DOCK1: variants seen among roughly 807,000 people sequenced by gnomAD.
DOCK1 encodes the protein dedicator of cytokinesis protein 1.
A neutral mutation model predicts 262.7 loss-of-function variants in DOCK1; 138 were observed. The ratio of observed to expected loss-of-function variants is 0.53; its 90% confidence interval spans 0.46 to 0.61. The LOEUF is 0.61. Ranked by LOEUF, DOCK1 falls within the 20% of genes least tolerant of loss-of-function variation. The pLI, the probability that DOCK1 is intolerant of heterozygous loss-of-function variation, is 0.00. For missense variants in DOCK1, 1,908 were observed against 2,370.7 expected, an observed-to-expected ratio of 0.80 and a Z score of 4.05; for synonymous variants, 866 against 867.4, an observed-to-expected ratio of 1.00 and a Z score of 0.03.
At chr10:127,079,144 C>T (rs961507975) in intron 23 of DOCK1, among the ~76,000 whole-genome samples, 3 of 152,132 alleles carry the variant, frequency 2.0e-5, no homozygotes, top group Non-Finnish European at 4.4e-5. Flanking sequence ...CATGTTTGCA[C>T]CAGATTAAAG....
intron 27 of DOCK1, chr10:127,137,089 AC>A (rs2050765488): frequency 6.6e-6 from 1 of 152,566 alleles, no homozygotes; most frequent in Admixed American, 6.5e-5. Flanking sequence ...AATAGCTCTG[AC>A]CCTGTCTACT....
At chr10:127,294,830 C>T (rs928402588) in intron 29 of DOCK1, among the ~76,000 whole-genome samples, 10 of 151,156 alleles carry the variant, frequency 6.6e-5, no homozygotes, top group East Asian at 2.0e-4. Flanking sequence ...TTAGTAGAGA[C>T]GAGTTTTCGC....
At chr10:127,414,774 A>G (rs955546481) in intron 43 of DOCK1, among the ~76,000 whole-genome samples, 1 of 152,240 alleles carries the variant, frequency 6.6e-6, no homozygotes, top group Admixed American at 6.5e-5. Flanking sequence ...TTTCTTATGA[A>G]CACTGTAGCT....
intron 36 of DOCK1, among the ~76,000 whole-genome samples, chr10:127,380,495 A>G (rs536622497): frequency 1.3e-5 from 2 of 152,324 alleles, no homozygotes; most frequent in South Asian, 4.1e-4. Flanking sequence ...TTTACCAGAC[A>G]TAGGGGAGTT....
chr10:127,314,986 G>A (rs1242728697), intron 29 of DOCK1, among the ~76,000 whole-genome samples: 2 of 152,302 alleles, frequency 1.3e-5, no homozygotes, highest in East Asian at 1.9e-4. Flanking sequence ...TGGTCACCAC[G>A]GAGCAGGGGA....
intron 29 of DOCK1, among the ~76,000 whole-genome samples, chr10:127,337,518 G>A (rs1414787050): frequency 6.6e-6 from 1 of 152,064 alleles, no homozygotes; most frequent in Non-Finnish European, 1.5e-5. Flanking sequence ...AGCAATAAGA[G>A]CTTTATTCAA....
intron 6 of DOCK1, among the ~76,000 whole-genome samples, chr10:126,994,510 G>A (rs1333699725): frequency 1.3e-5 from 2 of 152,166 alleles, no homozygotes; most frequent in Non-Finnish European, 1.5e-5. Flanking sequence ...AGATTAGGGA[G>A]TGGTGGTGAC....
At chr10:127,247,777 T>A (rs1316026413) in intron 27 of DOCK1, among the ~76,000 whole-genome samples, 2 of 152,156 alleles carry the variant, frequency 1.3e-5, no homozygotes. Context: ...TTCTTTCTAC[T>A]TTCAACTTGA....
chr10:127,369,650 C>T (rs928210571), intron 33 of DOCK1, among the ~76,000 whole-genome samples: 4 of 152,234 alleles, frequency 2.6e-5, no homozygotes, highest in African/African-American at 9.6e-5. Flanking sequence ...GCGATGCAGC[C>T]ATGCATCCCC....
chr10:126,971,940 G>A (rs1025097931), intron 2 of DOCK1, among the ~76,000 whole-genome samples: 9 of 151,120 alleles, frequency 6.0e-5, no homozygotes, highest in Non-Finnish European at 1.2e-4. Context: ...TTTTGAGACG[G>A]AGTTTTGCTC....
At chr10:126,979,554 G>A (rs953503906) in intron 3 of DOCK1, among the ~76,000 whole-genome samples, 7 of 151,972 alleles carry the variant, frequency 4.6e-5, no homozygotes, top group Non-Finnish European at 8.8e-5. Context: ...ATCTTACTTG[G>A]TATTTGTTAT....
At chr10:127,018,554 T>C in intron 12 of DOCK1, 156 bp from the exon 13 acceptor site, 1 of 1,179,838 alleles carries the variant, frequency 8.5e-7, no homozygotes, top group African/African-American at 1.5e-5. Flanking sequence ...GACAGGCACC[T>C]TTTGCCTTGC....
intron 27 of DOCK1, among the ~76,000 whole-genome samples, chr10:127,228,980 C>A (rs1189596225): frequency 6.6e-6 from 1 of 152,144 alleles, no homozygotes; most frequent in Non-Finnish European, 1.5e-5. Context: ...CACCTGTAAT[C>A]CCAGCACTCT....
intron 23 of DOCK1, among the ~76,000 whole-genome samples, chr10:127,072,085 C>T (rs1448119920): frequency 3.3e-5 from 5 of 152,226 alleles, no homozygotes; most frequent in Admixed American, 6.5e-5. Context: ...TCTGTGCCCT[C>T]GGTCTTGGAT....
intron 22 of DOCK1, among the ~76,000 whole-genome samples, chr10:127,060,547 C>T (rs1340920189): frequency 6.6e-6 from 1 of 152,130 alleles, no homozygotes; most frequent in Admixed American, 6.6e-5. Context: ...TTTAATTAGG[C>T]AGCAAACTAG....
chr10:126,948,436 A>AGT (rs2035801442), intron 1 of DOCK1, among the ~76,000 whole-genome samples: 2 of 143,360 alleles, frequency 1.4e-5, no homozygotes, highest in Non-Finnish European at 3.1e-5. Flanking sequence ...TGGTGGTGGT[A>AGT]ATACTGCTGG....
intron 1 of DOCK1, among the ~76,000 whole-genome samples, chr10:126,966,512 T>C (rs2037689569): frequency 6.6e-6 from 1 of 152,198 alleles, no homozygotes; most frequent in African/African-American, 2.4e-5. Flanking sequence ...CCACCGAGTG[T>C]CTAACAGTTC....
chr10:126,944,151 G>A (rs1339094262), intron 1 of DOCK1, among the ~76,000 whole-genome samples: 2 of 151,810 alleles, frequency 1.3e-5, no homozygotes, highest in Admixed American at 6.6e-5. Flanking sequence ...AGGAGCCAGT[G>A]GGTTTGAGAA....
chr10:127,381,184 G>C (rs1212688188), intron 36 of DOCK1, 94 bp from the exon 37 acceptor site: 1 of 1,034,110 alleles, frequency 9.7e-7, no homozygotes, highest in African/African-American at 1.6e-5. Context: ...GTGTAGCCAT[G>C]ATTTACTGTT....
Sources: allele counts gnomAD v4.1 joint callset (sites outside exome capture counted in the v4.1 genomes callset), GRCh38; gene constraint gnomAD v4.1.1; transcripts MANE v1.5; gene names NCBI Gene and HGNC (gene_info 2026-07-23, HGNC 2026-07-21).